Variants in PTGR2 observed in about 807,000 individuals in gnomAD.
The protein encoded by PTGR2 is prostaglandin reductase 2.
In PTGR2, 32 loss-of-function variants were observed where a neutral mutation model predicts 43.4. The ratio of observed to expected loss-of-function variants is 0.74; its 90% CI spans 0.56 to 0.99. The LOEUF (loss-of-function observed/expected upper bound fraction) is 0.99. PTGR2 is among the 50% of genes least tolerant of loss of function. The pLI, the probability that PTGR2 is intolerant of heterozygous loss-of-function variation, is 0.00. For missense variants in PTGR2, 373 were observed against 420.0 expected (o/e 0.89, Z 0.98); for synonymous variants, 106 against 139.2 (o/e 0.76, Z 1.68).
At chr14:73,859,701 T>C (rs1023229084) in intron 2 of PTGR2, among the ~76,000 whole-genome samples, 2 of 151,930 alleles carry the variant, frequency 1.3e-5, no homozygotes, top group East Asian at 3.8e-4. Flanking sequence ...TTTATATTCA[T>C]TTAAGTTTCT....
chr14:73,858,629 C>T (rs2140236004), intron 1 of PTGR2, 187 bp from the exon 2 acceptor site: 1 of 365,606 alleles, frequency 2.7e-6, no homozygotes, highest in East Asian at 4.5e-5. Context: ...GTTAAAAATT[C>T]TAACTAGATT....
chr14:73,871,321 T>G (rs1296649306), intron 3 of PTGR2, among the ~76,000 whole-genome samples: 1 of 146,544 alleles, frequency 6.8e-6, no homozygotes, highest in Non-Finnish European at 1.5e-5. Flanking sequence ...CCCATGCATC[T>G]CTTCTATTTG....
chr14:73,880,602 A>C (rs1015645865), intron 7 of PTGR2, among the ~76,000 whole-genome samples: 1 of 147,326 alleles, frequency 6.8e-6, no homozygotes, highest in African/African-American at 2.5e-5. Flanking sequence ...AAAAAAAAAC[A>C]AAAAAAAACC....
intron 3 of PTGR2, among the ~76,000 whole-genome samples, chr14:73,870,772 T>A (rs938721838): frequency 6.6e-6 from 1 of 152,214 alleles, no homozygotes; most frequent in African/African-American, 2.4e-5. Flanking sequence ...TTTACAGATG[T>A]GCTTTCATAT....
chr14:73,857,725 G>A (rs2054391334), intron 1 of PTGR2, among the ~76,000 whole-genome samples: 1 of 129,266 alleles, frequency 7.7e-6, no homozygotes, highest in Non-Finnish European at 1.6e-5. Flanking sequence ...CTGGAGTGCA[G>A]TGGTGCGATC....
intron 2 of PTGR2, among the ~76,000 whole-genome samples, chr14:73,859,974 G>A (rs1435513644): frequency 6.6e-6 from 1 of 150,954 alleles, no homozygotes; most frequent in Non-Finnish European, 1.5e-5. Context: ...TCAGCCTCCC[G>A]AGTAGCTGGG....
chr14:73,858,154 T>C (rs1230011580), intron 1 of PTGR2: 1 of 152,222 alleles, frequency 6.6e-6, no homozygotes, highest in Non-Finnish European at 1.5e-5. Flanking sequence ...ACTCACTACC[T>C]TTGGACCAGC....
rs755449150 is a variant in PTGR2, at chr14:73,874,146, G to T, written c.280G>T (p.Asp94Tyr). The stretch of plus-strand genomic sequence containing the variant: ...CAAACACACAAATTTGACTAAAGGC[G>T]ATTTTGTGACTTCTTTCTATTGGCC... ...ESKHTNLTKGDFVTSFYWPWQ... is the reference protein window; with the variant it reads ...ESKHTNLTKGYFVTSFYWPWQ... The change falls in exon 4 of 10, where the codon GAT (aspartate) becomes TAT (tyrosine). Residue 94 changes from aspartate to tyrosine, a missense_variant. Coordinates refer to ENST00000555661, the MANE Select transcript of PTGR2 (RefSeq NM_001146154.2). The T allele has an allele frequency of 4.3e-6, 7 of 1,613,878 alleles. No individual in the cohort carries two copies. The South Asian group carries it at 6.6e-5, about 15-fold the overall frequency.
At chr14:73,881,327 C>A in intron 8 of PTGR2, 35 bp downstream of exon 8, 1 of 1,236,260 alleles carries the variant, frequency 8.1e-7, no homozygotes, top group Non-Finnish European at 1.2e-6. Context: ...ATAATTCTTC[C>A]TGCTACTTGA....
At chr14:73,879,952 G>A (rs984355794) in intron 6 of PTGR2, 103 bp from the exon 7 acceptor site, 1 of 1,181,638 alleles carries the variant, frequency 8.5e-7, no homozygotes, top group Non-Finnish European at 1.2e-6. Context: ...AATCGAACTA[G>A]TTGACAGAAA....
chr14:73,860,222 C>G (rs1407482347), intron 2 of PTGR2, among the ~76,000 whole-genome samples: 1 of 151,962 alleles, frequency 6.6e-6, no homozygotes, highest in Non-Finnish European at 1.5e-5. Context: ...TATCCCACCA[C>G]TATGGGAGGC....
At position 73,877,084 on chromosome 14, in the gene PTGR2, G is replaced by A; in HGVS notation, c.435G>A (p.Gln145=). The change falls in exon 5 of 10, where the codon CAG becomes CAA. Residue 145 remains glutamine, a synonymous_variant. Coordinates refer to ENST00000555661, the MANE Select transcript of PTGR2 (RefSeq NM_001146154.2). ...MPGLTSLIGI[Q]EKGHITAGSN... Reference sequence around the variant, plus strand: ...GTTTGACTTCCTTGATTGGGATACAGGAAAAAGGTCATATAACTGCTGGAT... The same window carrying A: ...GTTTGACTTCCTTGATTGGGATACAAGAAAAAGGTCATATAACTGCTGGAT... 1.2e-6 allele frequency: 2 copies of A among 1,614,012 alleles called. No homozygotes were observed. The highest frequency in any genetic ancestry group is 2.2e-5 in the South Asian group (2 of 91,076).
At chr14:73,883,188 C>CTTTTTTTTTTTTTTTTTTTTTT (rs58234739) in intron 9 of PTGR2, among the ~76,000 whole-genome samples, 4 of 58,152 alleles carry the variant, frequency 6.9e-5, no homozygotes, top group Non-Finnish European at 8.3e-5. Flanking sequence ...CCTCACCTCC[C>CTTTTTTTTTTTTTTTTTTTTTT]TTTTTTTTTT....
intron 7 of PTGR2, among the ~76,000 whole-genome samples, chr14:73,880,863 C>T (rs1243200375): frequency 3.9e-5 from 6 of 152,072 alleles, no homozygotes; most frequent in Non-Finnish European, 5.9e-5. Context: ...GTGGCGCGAT[C>T]GCAGCTCACT....
chr14:73,853,136 T>C (rs2054268932), intron 1 of PTGR2, among the ~76,000 whole-genome samples: 1 of 151,966 alleles, frequency 6.6e-6, no homozygotes, highest in South Asian at 2.1e-4. Flanking sequence ...AGATACGTTT[T>C]ATAACAAGGC....
chr14:73,883,178 C>T lies in PTGR2; in HGVS notation c.979+740C>T, dbSNP rs572058680. ...CCTCCCCTTCCCTGCCCTTCCCTCCCCTCACCTCCCTTTTTTTTTTTTTTT... is the reference window on the plus strand; with the variant it reads ...CCTCCCCTTCCCTGCCCTTCCCTCCTCTCACCTCCCTTTTTTTTTTTTTTT... On this transcript the variant is annotated intron_variant, in intron 9 of 9. Coordinates refer to ENST00000555661, the MANE Select transcript of PTGR2 (RefSeq NM_001146154.2). Among the ~76,000 whole-genome samples, 53 of 130,034 alleles carry T rather than the reference C, an allele frequency of 4.1e-4. 1 individual carries two copies. The highest frequency in any genetic ancestry group is 3.8e-3 in the Admixed American group (48 of 12,580). The allele number at this position is 130,034 out of a possible 152,430, so 85.3% of individuals were successfully genotyped here.
rs2055084593 is a variant in PTGR2, at chr14:73,884,705, G to C, written c.*528G>C. 1 of 152,292 alleles carries C rather than the reference G, an allele frequency of 6.6e-6. No individual in the cohort carries two copies. The highest frequency in any genetic ancestry group is 2.4e-5 in the African/African-American group (1 of 41,374). 9.4% of individuals were successfully genotyped at this position (152,292 alleles called of 1,614,324 possible). ...CTTAATGGTATGATGTGTACATAGGGACTGGGGGCAGGATTGGGGGTTTCG... is the reference window on the plus strand; with the variant it reads ...CTTAATGGTATGATGTGTACATAGGCACTGGGGGCAGGATTGGGGGTTTCG... On this transcript the variant is annotated 3_prime_UTR_variant, in exon 10 of 10. Coordinates refer to ENST00000555661, the MANE Select transcript of PTGR2 (RefSeq NM_001146154.2).
At chr14:73,852,085 A>G (rs2054238639) in intron 1 of PTGR2, 142 bp downstream of exon 1, 1 of 152,204 alleles carries the variant, frequency 6.6e-6, no homozygotes, top group South Asian at 2.1e-4. Flanking sequence ...ATTGCCCGCA[A>G]CACTGAGATA....
intron 3 of PTGR2, among the ~76,000 whole-genome samples, chr14:73,872,303 T>G (rs1439475520): frequency 6.6e-6 from 1 of 152,202 alleles, no homozygotes; most frequent in African/African-American, 2.4e-5. Flanking sequence ...TGTATAAAAT[T>G]CACTTCACTT....
Sources: gnomAD v4.1 joint callset for allele counts (sites outside exome capture counted in the v4.1 genomes callset) on GRCh38, gnomAD v4.1.1 for gene constraint, MANE v1.5 for transcripts, NCBI Gene and HGNC (gene_info 2026-07-23, HGNC 2026-07-21) for gene names.